GALNT1: variants seen among roughly 807,000 people sequenced by gnomAD.
GALNT1 encodes the protein GalNAc transferase 1.
GALNT1 carries 17 observed loss-of-function variants against 65.7 expected under a neutral mutation model. The observed-to-expected ratio is 0.26, with a 90% CI of 0.18 to 0.39. The LOEUF (loss-of-function observed/expected upper bound fraction) is 0.39. GALNT1 is among the 10% of genes least tolerant of loss of function. GALNT1 has a pLI of 1.00. For missense variants in GALNT1, 460 were observed against 672.8 expected (o/e 0.68, Z 3.50); for synonymous variants, 210 against 219.7 (o/e 0.96, Z 0.39).
chr18:35,691,846 G>A (rs1488172884), intron 8 of GALNT1, among the ~76,000 whole-genome samples: 1 of 152,298 alleles, frequency 6.6e-6, no homozygotes, highest in East Asian at 1.9e-4. Context: ...TGTGAGAGAA[G>A]CCTGACTGCA....
intron 1 of GALNT1, among the ~76,000 whole-genome samples, chr18:35,629,549 G>A (rs184681053): frequency 0.014 from 2,078 of 152,172 alleles, 41 homozygotes; most frequent in African/African-American, 0.046. Context: ...CCTGCCCTAC[G>A]AGAGCTCCTA....
Position 35,582,426 on chromosome 18 carries a change from C to T in GALNT1, c.-104+564C>T, listed in dbSNP as rs962336767. Among the ~76,000 whole-genome samples the T allele has an allele frequency of 4.6e-5, 7 of 152,214 alleles. No individual in the cohort carries two copies. The East Asian group carries it at 1.2e-3, about 25-fold the overall frequency. On this transcript the variant is annotated intron_variant, in intron 1 of 11. Transcript: ENST00000269195. ...TTACTCATCCATAATCAATACGTTG[C>T]CCATTTAAGCATTTACCAGGAATTG... is the stretch of plus-strand genomic sequence containing the variant.
chr18:35,673,941 C>T lies in GALNT1; in HGVS notation c.315-3650C>T, dbSNP rs374572913. Among the ~76,000 whole-genome samples the T allele has an allele frequency of 2.0e-5, 3 of 152,280 alleles. No individual in the cohort carries two copies. The South Asian group carries it at 6.2e-4, about 32-fold the overall frequency. The stretch of plus-strand genomic sequence containing the variant: ...CAAACCTAGATGGTACAGCCTACTA[C>T]ACACCTAGGCTATATGGTATAGCCT... On this transcript the variant is annotated intron_variant, in intron 3 of 11. Coordinates refer to ENST00000269195, the MANE Select transcript of GALNT1 (RefSeq NM_020474.4).
intron 3 of GALNT1, among the ~76,000 whole-genome samples, chr18:35,664,964 A>T (rs116716277): frequency 2.0e-3 from 311 of 152,320 alleles, no homozygotes; most frequent in African/African-American, 7.1e-3. Context: ...TGAATTTCCA[A>T]CAAATTGCAC....
chr18:35,699,873 C>G (rs548366646), intron 9 of GALNT1, among the ~76,000 whole-genome samples: 1 of 152,188 alleles, frequency 6.6e-6, no homozygotes, highest in Non-Finnish European at 1.5e-5. Context: ...TTTCTACCCT[C>G]CACATCTCAT....
At chr18:35,693,452 T>A (rs1212488143) in intron 9 of GALNT1, among the ~76,000 whole-genome samples, 1 of 152,216 alleles carries the variant, frequency 6.6e-6, no homozygotes, top group Admixed American at 6.5e-5. Context: ...CATTTTATTC[T>A]GAATCAAATG....
chr18:35,625,411 A>G (rs1422763723), intron 1 of GALNT1, among the ~76,000 whole-genome samples: 1 of 152,236 alleles, frequency 6.6e-6, no homozygotes, highest in Non-Finnish European at 1.5e-5. Context: ...GGCTTTATTT[A>G]TAGCCTGCCT....
intron 1 of GALNT1, among the ~76,000 whole-genome samples, chr18:35,626,533 A>G (rs1031561299): frequency 6.6e-6 from 1 of 152,202 alleles, no homozygotes; most frequent in African/African-American, 2.4e-5. Flanking sequence ...ATATACCTAT[A>G]TAAATCAATA....
chr18:35,669,573 G>A lies in GALNT1; in HGVS notation c.314+5771G>A, dbSNP rs76606129. On this transcript the variant is annotated intron_variant, in intron 3 of 11. Transcript: ENST00000269195. ...TCACCACATTTATAGGAAAACAGGC[G>A]ATAAGTTATGTGATCATTTCATTAG... 1.2e-3 allele frequency among the ~76,000 whole-genome samples: 188 copies of A among 152,248 alleles called. 2 individuals carry two copies. The East Asian group carries it at 0.016, about 13-fold the overall frequency.
intron 3 of GALNT1, among the ~76,000 whole-genome samples, 174 bp from the exon 4 acceptor site, chr18:35,677,417 A>G (rs76437040): frequency 0.013 from 1,968 of 152,336 alleles, 40 homozygotes; most frequent in African/African-American, 0.043. Context: ...TATCACTTTA[A>G]ATAGGTGCTA....
chr18:35,674,419 G>C (rs1415357745), intron 3 of GALNT1, among the ~76,000 whole-genome samples: 1 of 152,056 alleles, frequency 6.6e-6, no homozygotes, highest in African/African-American at 2.4e-5. Context: ...GAATGCCCTG[G>C]GTATCCACCA....
intron 3 of GALNT1, among the ~76,000 whole-genome samples, chr18:35,665,964 G>A (rs966429649): frequency 1.3e-5 from 2 of 152,178 alleles, no homozygotes; most frequent in Non-Finnish European, 2.9e-5. Context: ...ATGACCAGAA[G>A]GTGATGAAGG....
chr18:35,605,939 G>A (rs575484204), intron 1 of GALNT1, among the ~76,000 whole-genome samples: 2 of 152,232 alleles, frequency 1.3e-5, no homozygotes, highest in East Asian at 1.9e-4. Flanking sequence ...CTTTGTATTA[G>A]CAGTTCTGGC....
intron 4 of GALNT1, among the ~76,000 whole-genome samples, chr18:35,682,693 T>TA (rs1402692604): frequency 6.6e-6 from 1 of 152,118 alleles, no homozygotes; most frequent in Non-Finnish European, 1.5e-5. Flanking sequence ...CATAACCTCT[T>TA]ATCTGAACTC....
rs184873574 is a variant in GALNT1 at position 35,689,145 on chromosome 18, C to T, written c.861-28C>T. 1,956 of 1,381,424 alleles carry T rather than the reference C, an allele frequency of 1.4e-3. 25 individuals are homozygous for T. The African/African-American group carries it at 0.024, about 17-fold the overall frequency. 85.6% of individuals were successfully genotyped at this position (1,381,424 alleles called of 1,614,324 possible). On this transcript the variant is annotated intron_variant, in intron 6 of 11. Coordinates refer to ENST00000269195, the MANE Select transcript of GALNT1 (RefSeq NM_020474.4). The stretch of plus-strand genomic sequence containing the variant: ...CTGATTGATTGTAAATTTTAAATTG[C>T]TAATGGTATAGCATTATTGAATTTC...
At chr18:35,649,150 G>C (rs893324056) in intron 1 of GALNT1, among the ~76,000 whole-genome samples, 2 of 152,212 alleles carry the variant, frequency 1.3e-5, no homozygotes, top group African/African-American at 4.8e-5. Flanking sequence ...GTTTTCCAGA[G>C]AGGCTGTACC....
At chr18:35,674,589 A>G (rs1312239101) in intron 3 of GALNT1, among the ~76,000 whole-genome samples, 2 of 152,212 alleles carry the variant, frequency 1.3e-5, no homozygotes, top group Non-Finnish European at 1.5e-5. Context: ...AAAAGCTTAT[A>G]GGGGCCAGTT....
chr18:35,619,814 A>G (rs773130781), intron 1 of GALNT1, among the ~76,000 whole-genome samples: 9 of 152,214 alleles, frequency 5.9e-5, no homozygotes, highest in Non-Finnish European at 1.2e-4. Flanking sequence ...CTGTGGACCA[A>G]CAGTTGTTTG....
At chr18:35,610,055 C>G (rs1349919013) in intron 1 of GALNT1, among the ~76,000 whole-genome samples, 9 of 152,096 alleles carry the variant, frequency 5.9e-5, no homozygotes, top group Admixed American at 5.9e-4. Flanking sequence ...GTTCAAATTT[C>G]AAGGAATAGA....
Sources: gnomAD v4.1 joint callset for allele counts (sites outside exome capture counted in the v4.1 genomes callset) on GRCh38, gnomAD v4.1.1 for gene constraint, MANE v1.5 for transcripts, NCBI Gene and HGNC (gene_info 2026-07-23, HGNC 2026-07-21) for gene names.